The following GSDME variants were observed in gnomAD, a reference collection of about 807,000 sequenced individuals.
GSDME encodes the protein gasdermin E.
GSDME carries 44 observed loss-of-function variants against 47.5 expected under a neutral mutation model. That is an observed-to-expected ratio of 0.93 (90% CI 0.73 to 1.19). The LOEUF is 1.19. Ranked by LOEUF, GSDME falls within the 50% of genes most tolerant of loss-of-function variation. The pLI is 0.00. For missense variants in GSDME, 663 were observed against 604.2 expected, an observed-to-expected ratio of 1.10 and a Z score of -1.02; for synonymous variants, 258 against 252.8, an observed-to-expected ratio of 1.02 and a Z score of -0.20.
chr7:24,762,087 G>A (rs887321683), upstream of GSDME, among the ~76,000 whole-genome samples: 1 of 151,924 alleles, frequency 6.6e-6, no homozygotes, highest in Non-Finnish European at 1.5e-5. Flanking sequence ...AACCCCATCT[G>A]TACTAAAAAT....
chr7:24,755,477 C>T (rs897618602), intron 1 of GSDME, among the ~76,000 whole-genome samples: 8 of 152,202 alleles, frequency 5.3e-5, no homozygotes, highest in African/African-American at 1.9e-4. Context: ...CCCTCTTTCC[C>T]CAAATCACCT....
chr7:24,715,223 TG>T (rs1205145923), intron 5 of GSDME, among the ~76,000 whole-genome samples: 1 of 152,080 alleles, frequency 6.6e-6, no homozygotes, highest in Non-Finnish European at 1.5e-5. Flanking sequence ...GGGGAGATGT[TG>T]TCAAAGCATG....
chr7:24,749,591 G>T lies in GSDME; in HGVS notation c.184C>A (p.Leu62Ile). 1 of 1,613,700 alleles carries T rather than the reference G, an allele frequency of 6.2e-7. No homozygotes were observed. The highest frequency in any genetic ancestry group is 1.1e-5 in the South Asian group (1 of 91,060). Residue 62 changes from leucine to isoleucine, a missense_variant, in exon 2 of 10, where the codon CTC becomes ATC. Leu to Ile is a conservative substitution (Grantham distance 5). Coordinates refer to ENST00000645220, the MANE Select transcript of GSDME (RefSeq NM_001127453.2). ...GGACTCGGAAATTGGTCTTCTATGA[G>T]TACATCGCCAAGGGTGAGGGATAAA... is the stretch of plus-strand genomic sequence containing the variant. ...QFLSLTLGDVLIEDQFPSPVV... is the reference protein window; with the variant it reads ...QFLSLTLGDVIIEDQFPSPVV...
the GSDME span, among the ~76,000 whole-genome samples, chr7:24,779,582 AG>A: frequency 1.3e-5 from 2 of 151,906 alleles, no homozygotes; most frequent in African/African-American, 4.8e-5. This position sits in a 1 kb window ranked among gnomAD's most constrained non-coding sequence, Gnocchi z 6.0. Flanking sequence ...AAAAGAAAAC[AG>A]AAAACCCCAC....
At chr7:24,719,989 A>C (rs1789714793) in intron 3 of GSDME, among the ~76,000 whole-genome samples, 1 of 152,196 alleles carries the variant, frequency 6.6e-6, no homozygotes, top group Non-Finnish European at 1.5e-5. Flanking sequence ...GAATAGGCCT[A>C]AAGTATGAGT....
At chr7:24,750,644 A>G (rs1456644647) in intron 1 of GSDME, among the ~76,000 whole-genome samples, 1 of 152,164 alleles carries the variant, frequency 6.6e-6, no homozygotes, top group Non-Finnish European at 1.5e-5. Flanking sequence ...TATTTGTTGA[A>G]CAACAACCTA....
chr7:24,753,977 A>T (rs117329131), intron 1 of GSDME, among the ~76,000 whole-genome samples: 1,573 of 152,318 alleles, frequency 0.01, 9 homozygotes, highest in Non-Finnish European at 0.013. Context: ...GGTCCAAATG[A>T]ATGAAGGATC....
At position 24,746,952 on chromosome 7, in the gene GSDME, T is replaced by C. The variant is rs116346228; in HGVS notation, c.212-2198A>G. Among the ~76,000 whole-genome samples, 1,029 of 152,304 alleles carry C rather than the reference T, an allele frequency of 6.8e-3. 11 individuals carry two copies. Among genetic ancestry groups the C allele is most frequent in the African/African-American group, 0.023 (972 of 41,554 alleles). ...CAGTAGACAAAGTAGAAGACGCTTCTCGTCACCGCCCTAACACCAACAGGA... is the reference window on the plus strand; with the variant it reads ...CAGTAGACAAAGTAGAAGACGCTTCCCGTCACCGCCCTAACACCAACAGGA... On this transcript the variant is annotated intron_variant, in intron 2 of 9. Coordinates refer to ENST00000645220, the MANE Select transcript of GSDME (RefSeq NM_001127453.2).
At chr7:24,707,965 T>A (rs746354962) in intron 7 of GSDME, 162 bp downstream of exon 7, 11 of 802,458 alleles carry the variant, frequency 1.4e-5, no homozygotes, top group Non-Finnish European at 1.9e-5. Context: ...CGATGCCAGC[T>A]ACCTGTCTGC....
chr7:24,793,618 A>G, the GSDME span, among the ~76,000 whole-genome samples: 3 of 152,132 alleles, frequency 2.0e-5, no homozygotes, highest in African/African-American at 7.2e-5. Context: ...CTTTTTTATA[A>G]CACACATTTT....
the GSDME span, among the ~76,000 whole-genome samples, chr7:24,793,665 A>T: frequency 1.3e-5 from 2 of 152,112 alleles, no homozygotes; most frequent in African/African-American, 4.8e-5. Context: ...CAATTCTTCA[A>T]CATGTCTCAA....
the GSDME span, among the ~76,000 whole-genome samples, chr7:24,776,856 C>T: frequency 2.0e-5 from 3 of 148,800 alleles, no homozygotes; most frequent in East Asian, 5.8e-4. Context: ...TGTGTGTATA[C>T]CTATAGTCAT....
At chr7:24,777,058 CTA>C in the GSDME span, among the ~76,000 whole-genome samples, 1 of 151,888 alleles carries the variant, frequency 6.6e-6, no homozygotes, top group Non-Finnish European at 1.5e-5. Context: ...TATATTTTCT[CTA>C]TTTCTAAAAG....
At chr7:24,776,906 A>C in the GSDME span, among the ~76,000 whole-genome samples, 1 of 152,290 alleles carries the variant, frequency 6.6e-6, no homozygotes, top group East Asian at 1.9e-4. Flanking sequence ...GCACCAAACT[A>C]TTAACAGTGT....
At position 24,754,375 on chromosome 7, in the gene GSDME, C is replaced by T. The variant is rs188289828; in HGVS notation, c.-20+3021G>A. Among the ~76,000 whole-genome samples the T allele has an allele frequency of 6.6e-6, 1 of 151,998 alleles. No individual in the cohort carries two copies. Among genetic ancestry groups the T allele is most frequent in the East Asian group, 1.9e-4 (1 of 5,178 alleles). The stretch of plus-strand genomic sequence containing the variant: ...TGGTGGCAGGCAGTAATCCCAGCTA[C>T]TCGGGAGGCTGAGGCAGGAGAATCA... On this transcript the variant is annotated intron_variant, in intron 1 of 9. Coordinates refer to ENST00000645220, the MANE Select transcript of GSDME (RefSeq NM_001127453.2). This position sits in a 1 kb window ranked among gnomAD's most constrained non-coding sequence, Gnocchi z 5.0.
intron 3 of GSDME, among the ~76,000 whole-genome samples, chr7:24,740,418 T>C (rs1790451835): frequency 6.6e-6 from 1 of 151,988 alleles, no homozygotes; most frequent in Non-Finnish European, 1.5e-5. Context: ...TAGTATGTGA[T>C]AGCATAACTT....
At chr7:24,770,784 A>C in the GSDME span, among the ~76,000 whole-genome samples, 4 of 152,036 alleles carry the variant, frequency 2.6e-5, no homozygotes, top group Admixed American at 2.6e-4. This position sits in a 1 kb window ranked among gnomAD's most constrained non-coding sequence, Gnocchi z 4.6. Context: ...TCATTCGTAG[A>C]CTGGACACCA....
rs1789921457 is a variant in GSDME, at chr7:24,725,064, T to C, written c.405-5846A>G. ...GAGCAGATGCTGGCACCATGCTTCCTGTACAGCCTGCAGAGCCATGAGCCA... is the reference window on the plus strand; with the variant it reads ...GAGCAGATGCTGGCACCATGCTTCCCGTACAGCCTGCAGAGCCATGAGCCA... On this transcript the variant is annotated intron_variant, in intron 3 of 9. Coordinates refer to ENST00000645220, the MANE Select transcript of GSDME (RefSeq NM_001127453.2). This position sits in a 1 kb window ranked among gnomAD's most constrained non-coding sequence, Gnocchi z 5.1. 4.6e-5 allele frequency among the ~76,000 whole-genome samples: 7 copies of C among 152,336 alleles called. 1 individual carries two copies. The South Asian group carries it at 1.5e-3, about 32-fold the overall frequency.
upstream of GSDME, among the ~76,000 whole-genome samples, chr7:24,759,729 G>C (rs929358718): frequency 6.6e-6 from 1 of 152,102 alleles, no homozygotes; most frequent in Non-Finnish European, 1.5e-5. Flanking sequence ...GTGCAGTAGG[G>C]GTCCCCCCAC....
Sources: allele counts gnomAD v4.1 joint callset (sites outside exome capture counted in the v4.1 genomes callset), GRCh38; gene constraint gnomAD v4.1.1; non-coding constraint Gnocchi (gnomAD v3.1); transcripts MANE v1.5; gene names NCBI Gene and HGNC (gene_info 2026-07-23, HGNC 2026-07-21).